PRH1: variants seen among roughly 807,000 people sequenced by gnomAD.
PRH1 encodes proline rich protein HaeIII subfamily 1.
Under a neutral mutation model 7.9 loss-of-function variants are expected in PRH1, and 7 were observed. The ratio of observed to expected loss-of-function variants is 0.89; its 90% CI spans 0.50 to 1.67. The LOEUF is 1.67. Among genes scored for constraint, PRH1 ranks in the 40% most tolerant of loss-of-function variants. PRH1 has a pLI of 0.00. For missense variants in PRH1, 109 were observed against 223.6 expected (o/e 0.49, Z 3.27); for synonymous variants, 45 against 80.8 (o/e 0.56, Z 2.38).
At chr12:11,059,242 G>A (rs754529089) in intron 1 of PRH1, among the ~76,000 whole-genome samples, 1 of 152,184 alleles carries the variant, frequency 6.6e-6, no homozygotes, top group Non-Finnish European at 1.5e-5. Flanking sequence ...GGAGCCAAGT[G>A]TACGCATCTG....
intron 2 of PRH1, among the ~76,000 whole-genome samples, chr12:10,956,834 A>G (rs1937987980): frequency 6.6e-6 from 1 of 152,166 alleles, no homozygotes; most frequent in Non-Finnish European, 1.5e-5. Flanking sequence ...AAAATAAAAT[A>G]CATAGGAATA....
intron 2 of PRH1, among the ~76,000 whole-genome samples, chr12:10,951,572 G>A (rs1402264758): frequency 2.0e-5 from 3 of 152,088 alleles, no homozygotes; most frequent in Non-Finnish European, 4.4e-5. Flanking sequence ...CATGCAGGTT[G>A]AAATGGCCCT....
At chr12:11,150,336 C>T (rs10126062) in intron 1 of PRH1, among the ~76,000 whole-genome samples, 68,742 of 151,362 alleles carry the variant, frequency 0.45, 16,432 homozygotes, top group Non-Finnish European at 0.52. Context: ...ACCCAAAGGA[C>T]TATAAATCAT....
chr12:10,910,774 GATA>G (rs377584236), intron 2 of PRH1, among the ~76,000 whole-genome samples: 1 of 152,086 alleles, frequency 6.6e-6, no homozygotes, highest in East Asian at 1.9e-4. Context: ...TTGATTATAA[GATA>G]ATAAGTAGCC....
chr12:10,942,060 C>T (rs989555242), intron 2 of PRH1, among the ~76,000 whole-genome samples: 6 of 152,108 alleles, frequency 3.9e-5, no homozygotes, highest in African/African-American at 1.4e-4. Context: ...GCACAGAGTC[C>T]TGTGATGTAA....
intron 1 of PRH1, among the ~76,000 whole-genome samples, chr12:10,994,383 C>T (rs994682137): frequency 6.6e-6 from 1 of 152,234 alleles, no homozygotes. Flanking sequence ...TCCTCTGTTG[C>T]TTCCATGGGC....
intron 1 of PRH1, among the ~76,000 whole-genome samples, chr12:10,993,775 C>T (rs1940061040): frequency 6.7e-6 from 1 of 150,242 alleles, no homozygotes; most frequent in Non-Finnish European, 1.5e-5. Context: ...AGCTGCTGTG[C>T]TCATTGTGAC....
chr12:11,171,481 C>A, upstream of PRH1: 3 of 1,232,404 alleles, frequency 2.4e-6, no homozygotes, highest in East Asian at 9.5e-5. Flanking sequence ...TTCGAGCTGG[C>A]CTGGCAGCTG....
At chr12:11,114,861 G>C (rs1033046257) in intron 1 of PRH1, among the ~76,000 whole-genome samples, 7 of 152,026 alleles carry the variant, frequency 4.6e-5, no homozygotes, top group African/African-American at 1.7e-4. Flanking sequence ...GTATTTGCAA[G>C]CCTCATGGTA....
chr12:10,893,885 C>T (rs1468697), intron 2 of PRH1, among the ~76,000 whole-genome samples: 2,563 of 152,006 alleles, frequency 0.017, 63 homozygotes, highest in Admixed American at 0.067. Context: ...ATATTTATTA[C>T]TGTTACCTTA....
intron 1 of PRH1, chr12:11,077,482 G>T: frequency 1.0e-6 from 1 of 960,654 alleles, no homozygotes; most frequent in Non-Finnish European, 1.5e-6. Flanking sequence ...GTTCTGCTGT[G>T]TTCAAAGATT....
chr12:11,140,110 CT>C (rs1946662580), intron 1 of PRH1, among the ~76,000 whole-genome samples: 1 of 151,500 alleles, frequency 6.6e-6, no homozygotes, highest in African/African-American at 2.4e-5. Context: ...TTTGTCTAAC[CT>C]TTTTTTCTTC....
At position 11,003,745 on chromosome 12, in the gene PRH1, TATAA is replaced by T. The variant is rs202029568; in HGVS notation, c.-125-30028_-125-30025del. Among the ~76,000 whole-genome samples, 860 of 152,142 alleles carry T rather than the reference TATAA, an allele frequency of 5.7e-3. 6 individuals carry two copies. Among genetic ancestry groups the T allele is most frequent in the Non-Finnish European group, 6.9e-3 (470 of 67,934 alleles). On this transcript the variant is annotated intron_variant, in intron 1 of 3. Coordinates refer to the PRH1 transcript ENST00000539853. ...TACAAAAATATTCTTGCAAATTTCA[TATAA>T]ATGTGATTATATTGAATGTTTTTGA...
chr12:11,046,388 G>T (rs1942899199), intron 1 of PRH1, among the ~76,000 whole-genome samples: 1 of 152,160 alleles, frequency 6.6e-6, no homozygotes, highest in South Asian at 2.1e-4. Context: ...GCTTTGGATA[G>T]TTTATATTCA....
chr12:10,932,443 A>G (rs1333667895), intron 2 of PRH1: 2 of 195,602 alleles, frequency 1.0e-5, no homozygotes, highest in African/African-American at 4.6e-5. Flanking sequence ...TTTCCTCCTT[A>G]TCCTTATTAA....
chr12:11,171,212 A>T, intron 1 of PRH1: 1 of 449,716 alleles, frequency 2.2e-6, no homozygotes, highest in Non-Finnish European at 3.7e-6. Context: ...GCCGCACTGC[A>T]CCGAGCGGCG....
chr12:10,908,998 T>C (rs1453200276), intron 2 of PRH1: 6 of 1,613,796 alleles, frequency 3.7e-6, no homozygotes, highest in East Asian at 4.5e-5. Flanking sequence ...CTGAAGATTG[T>C]AGCAAGCCAG....
chr12:11,076,980 G>A (rs1386271627), intron 1 of PRH1: 1 of 114,996 alleles, frequency 8.7e-6, no homozygotes. Flanking sequence ...AATTGCAATG[G>A]AAAACAGCAA....
At chr12:11,078,984 A>G (rs1203585024) in intron 1 of PRH1, 1 of 148,302 alleles carries the variant, frequency 6.7e-6, no homozygotes, top group Non-Finnish European at 1.5e-5. Context: ...ATGGAAAATG[A>G]GTTTCCAGGA....
Sources: allele counts gnomAD v4.1 joint callset (sites outside exome capture counted in the v4.1 genomes callset), GRCh38; gene constraint gnomAD v4.1.1; transcripts MANE v1.5; gene names NCBI Gene and HGNC (gene_info 2026-07-23, HGNC 2026-07-21).